CENPC: variants seen among roughly 807,000 people sequenced by gnomAD.
CENPC encodes centromere protein C.
Under a neutral mutation model 112.1 loss-of-function variants are expected in CENPC, and 63 were observed. The ratio of observed to expected loss-of-function variants is 0.56; its 90% CI spans 0.46 to 0.69. The LOEUF (loss-of-function observed/expected upper bound fraction) is 0.69. Ranked by LOEUF, CENPC falls within the 30% of genes least tolerant of loss-of-function variation. The probability of loss-of-function intolerance (pLI) is 0.00; values close to 1 mark genes in which losing one functional copy is unlikely to be tolerated. For missense variants in CENPC, 1,000 were observed against 1,103.8 expected (o/e 0.91, Z 1.33); for synonymous variants, 333 against 367.6 (o/e 0.91, Z 1.08).
chr4:67,536,859 T>C (rs1000506300), intron 4 of CENPC, among the ~76,000 whole-genome samples: 13 of 151,512 alleles, frequency 8.6e-5, no homozygotes, highest in African/African-American at 3.1e-4. Flanking sequence ...AAGACCAAAA[T>C]TGATAAACCC....
chr4:67,474,620 C>T (rs1000838830), intron 18 of CENPC: 2 of 335,364 alleles, frequency 6.0e-6, no homozygotes, highest in African/African-American at 4.5e-5. Flanking sequence ...ATCGCTTGAA[C>T]CCAGGAGGTG....
At chr4:67,491,738 C>T (rs1179243111) in intron 16 of CENPC, among the ~76,000 whole-genome samples, 6 of 151,998 alleles carry the variant, frequency 3.9e-5, no homozygotes, top group Non-Finnish European at 7.4e-5. Flanking sequence ...GGATTCATAT[C>T]CCAGGTAACA....
rs1372019240 is a variant in CENPC, at chr4:67,471,179, G to A, written c.*1426C>T. 1 of 152,108 alleles carries A rather than the reference G, an allele frequency of 6.6e-6. No individual in the cohort carries two copies. The highest frequency in any genetic ancestry group is 1.5e-5 in the Non-Finnish European group (1 of 68,026). 9.4% of individuals were successfully genotyped at this position (152,108 alleles called of 1,614,324 possible). ...TGACTGCTAAGCTATGCAGACACAG[G>A]AACTACCCCTAGCAAGCAAGAATAA... is the stretch of plus-strand genomic sequence containing the variant. On this transcript the variant is annotated 3_prime_UTR_variant, in exon 19 of 19. Transcript: ENST00000273853.
At chr4:67,541,824 C>T (rs550583553) in intron 2 of CENPC, among the ~76,000 whole-genome samples, 3 of 152,254 alleles carry the variant, frequency 2.0e-5, no homozygotes, top group African/African-American at 7.2e-5. Flanking sequence ...GTAATCATAA[C>T]CACCTTTCTC....
Position 67,519,240 on chromosome 4 carries a change from C to T in CENPC, c.594G>A (p.Glu198=), listed in dbSNP as rs1480477523. The change falls in exon 6 of 19, where the codon GAG becomes GAA. Residue 198 remains glutamate (E), a synonymous_variant. Transcript: ENST00000273853. ...NSVNMLPSST[E]VSVKTKKRLN... ...ACCTTTTTTTGGTTTTAACTGAAAC[C>T]TCTGTACTTGAAGGCAGCATATTTA... 5 of 1,570,300 alleles carry T rather than the reference C, an allele frequency of 3.2e-6. No individual in the cohort carries two copies. The highest frequency in any genetic ancestry group is 4.3e-6 in the Non-Finnish European group (5 of 1,153,538).
At chr4:67,520,420 C>T (rs1264689169) in intron 5 of CENPC, among the ~76,000 whole-genome samples, 2 of 152,154 alleles carry the variant, frequency 1.3e-5, no homozygotes, top group African/African-American at 2.4e-5. Flanking sequence ...CCAGGCCATC[C>T]CAGTCCCTAC....
Position 67,489,951 on chromosome 4 carries a change from T to TA in CENPC, c.2670+15dup, listed in dbSNP as rs753850936. The TA allele has an allele frequency of 1.3e-5, 19 of 1,502,640 alleles. No homozygotes were observed. The South Asian group carries it at 1.6e-4, about 13-fold the overall frequency. The allele number at this position is 1,502,640 out of a possible 1,614,324, so 93.1% of individuals were successfully genotyped here. A position where few individuals can be genotyped will look rare whatever the true frequency, so the allele number is the denominator to read the frequency against. On this transcript the variant is annotated intron_variant, in intron 17 of 18. Coordinates refer to ENST00000273853, the MANE Select transcript of CENPC (RefSeq NM_001812.4). ...CTACCAAGAGTGAAACATAAATATATAAAAAAAGTACTCACCAATATATCC... is the reference window on the plus strand; with the variant it reads ...CTACCAAGAGTGAAACATAAATATATAAAAAAAAGTACTCACCAATATATCC...
At chr4:67,495,897 T>C (rs1725419163) in intron 12 of CENPC, among the ~76,000 whole-genome samples, 1 of 152,196 alleles carries the variant, frequency 6.6e-6, no homozygotes, top group Admixed American at 6.5e-5. Context: ...TTCTTTGCCT[T>C]TCTATGCACA....
At chr4:67,523,235 C>A (rs1382611362) in intron 5 of CENPC, among the ~76,000 whole-genome samples, 1 of 152,108 alleles carries the variant, frequency 6.6e-6, no homozygotes, top group Non-Finnish European at 1.5e-5. Flanking sequence ...ATTGCTTGAA[C>A]CCTGGAGTCA....
At chr4:67,482,862 A>T (rs1724991001) in intron 17 of CENPC, among the ~76,000 whole-genome samples, 1 of 152,082 alleles carries the variant, frequency 6.6e-6, no homozygotes, top group African/African-American at 2.4e-5. Flanking sequence ...ATCTCTTGTA[A>T]TATGGTTTGG....
chr4:67,517,674 C>A (rs1472912816), intron 7 of CENPC, among the ~76,000 whole-genome samples: 1 of 151,714 alleles, frequency 6.6e-6, no homozygotes, highest in Non-Finnish European at 1.5e-5. Context: ...CCCATCTCTA[C>A]TAAAAATACA....
chr4:67,545,317 G>C (rs1387891893), intron 1 of CENPC, 21 bp downstream of exon 1: 3 of 1,470,818 alleles, frequency 2.0e-6, no homozygotes, highest in South Asian at 2.6e-5. Context: ...CACTCGCCTG[G>C]AGCGGGGGGC....
intron 17 of CENPC, among the ~76,000 whole-genome samples, 185 bp downstream of exon 17, chr4:67,489,782 A>C (rs567298127): frequency 6.6e-6 from 1 of 152,234 alleles, no homozygotes; most frequent in South Asian, 2.1e-4. Context: ...TATGCAGAGA[A>C]CAGATATTGT....
intron 17 of CENPC, among the ~76,000 whole-genome samples, chr4:67,480,776 G>A (rs1724935977): frequency 1.3e-5 from 2 of 152,100 alleles, no homozygotes; most frequent in Admixed American, 6.5e-5. Context: ...CAGCAAAATC[G>A]GCATAGAAGG....
intron 9 of CENPC, 77 bp from the exon 10 acceptor site, chr4:67,509,182 A>T: frequency 1.1e-6 from 1 of 874,674 alleles, no homozygotes; most frequent in South Asian, 1.7e-5. Context: ...AACAGCATTT[A>T]TATTTGCATA....
intron 17 of CENPC, among the ~76,000 whole-genome samples, chr4:67,476,166 T>C (rs1217244336): frequency 6.6e-6 from 1 of 152,168 alleles, no homozygotes; most frequent in South Asian, 2.1e-4. Context: ...TAGGACTAAC[T>C]TGCAGCTCCC....
At chr4:67,478,048 G>A (rs1349069557) in intron 17 of CENPC, among the ~76,000 whole-genome samples, 1 of 151,968 alleles carries the variant, frequency 6.6e-6, no homozygotes, top group African/African-American at 2.4e-5. Flanking sequence ...AGAAGTTTGG[G>A]ATTATGTTAA....
intron 16 of CENPC, among the ~76,000 whole-genome samples, chr4:67,491,469 A>AT (rs2109776104): frequency 1.1e-5 from 1 of 87,822 alleles, no homozygotes; most frequent in Non-Finnish European, 2.3e-5. Context: ...ATATATATAT[A>AT]TATATATATA....
At chr4:67,524,944 AACCAAAACAGCTTGGTACTGGT>A (rs1159380432) in intron 5 of CENPC, among the ~76,000 whole-genome samples, 2 of 152,206 alleles carry the variant, frequency 1.3e-5, no homozygotes, top group Non-Finnish European at 2.9e-5. Flanking sequence ...AGGCTACAGT[AACCAAAACAGCTTGGTACTGGT>A]ACCAAAACAG....
Sources: gnomAD v4.1 joint callset for allele counts (sites outside exome capture counted in the v4.1 genomes callset) on GRCh38, gnomAD v4.1.1 for gene constraint, MANE v1.5 for transcripts, NCBI Gene and HGNC (gene_info 2026-07-23, HGNC 2026-07-21) for gene names.